Variants in DSCAML1 observed in about 807,000 individuals in gnomAD.
The protein encoded by DSCAML1 is cell adhesion molecule DSCAML1.
DSCAML1 carries 38 observed loss-of-function variants against 200.5 expected under a neutral mutation model. That is an observed-to-expected ratio of 0.19 (90% CI 0.15 to 0.25). The LOEUF (loss-of-function observed/expected upper bound fraction) is 0.25, where lower values mean the gene tolerates loss of function less well. Among genes scored for constraint, DSCAML1 ranks in the 10% least tolerant of loss-of-function variants. The probability of loss-of-function intolerance (pLI) is 1.00; values close to 1 mark genes in which losing one functional copy is unlikely to be tolerated. For synonymous variants in DSCAML1, 1,215 were observed against 1,165.0 expected (o/e 1.04, Z -0.87); for missense variants, 2,223 against 2,858.8 (o/e 0.78, Z 5.07).
At chr11:117,797,360 A>C, upstream of DSCAML1, 18 of 1,070,408 alleles carry the variant, frequency 1.7e-5, no homozygotes, top group Non-Finnish European at 2.1e-5. Flanking sequence ...CCAGCCCCAC[A>C]AGCCCAGGAA....
At chr11:117,655,571 C>A (rs1162762660) in intron 3 of DSCAML1, among the ~76,000 whole-genome samples, 1 of 152,132 alleles carries the variant, frequency 6.6e-6, no homozygotes, top group East Asian at 1.9e-4. Flanking sequence ...TATTTCAGCC[C>A]CTTCAGGCCT....
At chr11:117,454,909 G>A (rs781467238) in intron 19 of DSCAML1, among the ~76,000 whole-genome samples, 1 of 152,152 alleles carries the variant, frequency 6.6e-6, no homozygotes, top group Non-Finnish European at 1.5e-5. Flanking sequence ...AAGTGAGGGG[G>A]ATTCACCAGA....
chr11:117,492,444 C>T (rs904212632), intron 11 of DSCAML1, among the ~76,000 whole-genome samples: 1 of 152,178 alleles, frequency 6.6e-6, no homozygotes, highest in South Asian at 2.1e-4. Context: ...ACAGCAGGTA[C>T]CCTGAAGCCT....
chr11:117,430,061 A>C (rs759833335), intron 32 of DSCAML1, among the ~76,000 whole-genome samples: 2 of 152,152 alleles, frequency 1.3e-5, no homozygotes, highest in Non-Finnish European at 2.9e-5. Context: ...ACCAGACTGC[A>C]TTGTTTGATA....
At chr11:117,633,620 A>G (rs781273184) in intron 3 of DSCAML1, among the ~76,000 whole-genome samples, 4 of 152,210 alleles carry the variant, frequency 2.6e-5, no homozygotes, top group Non-Finnish European at 4.4e-5. Flanking sequence ...CAGACCCTCA[A>G]TCCTTCAGCA....
chr11:117,519,759 G>T (rs952713885), intron 6 of DSCAML1, among the ~76,000 whole-genome samples: 2 of 152,186 alleles, frequency 1.3e-5, no homozygotes, highest in Admixed American at 6.5e-5. Context: ...GTTTGAGGCC[G>T]CAGTGAGCTA....
chr11:117,649,538 G>T (rs2052586561), intron 3 of DSCAML1, among the ~76,000 whole-genome samples: 1 of 152,068 alleles, frequency 6.6e-6, no homozygotes, highest in Non-Finnish European at 1.5e-5. Context: ...GCTTCCCGTG[G>T]TCACCAGGGC....
intron 3 of DSCAML1, among the ~76,000 whole-genome samples, chr11:117,533,892 G>A (rs116843752): frequency 1.1e-4 from 16 of 152,308 alleles, no homozygotes; most frequent in Non-Finnish European, 1.8e-4. Context: ...GGAGAACACT[G>A]GGGTCCTCTG....
At chr11:117,687,424 C>CTTTTTTTTTTTTTT (rs1440234665) in intron 3 of DSCAML1, among the ~76,000 whole-genome samples, 1 of 51,816 alleles carries the variant, frequency 1.9e-5, no homozygotes, top group East Asian at 4.8e-4. Flanking sequence ...CCATGCCTGG[C>CTTTTTTTTTTTTTT]TATTTTTTTT....
intron 3 of DSCAML1, among the ~76,000 whole-genome samples, chr11:117,706,898 C>G (rs768030399): frequency 3.0e-4 from 46 of 152,334 alleles, no homozygotes; most frequent in East Asian, 1.9e-4. Flanking sequence ...CCTTTGTCTA[C>G]TCCTCCGCAA....
At chr11:117,471,373 A>T (rs1485004086) in intron 15 of DSCAML1, among the ~76,000 whole-genome samples, 2 of 152,052 alleles carry the variant, frequency 1.3e-5, no homozygotes, top group Non-Finnish European at 2.9e-5. Flanking sequence ...GGTTTCACCA[A>T]GTTGGCCAGG....
intron 3 of DSCAML1, among the ~76,000 whole-genome samples, chr11:117,589,134 C>T (rs2051208069): frequency 6.6e-6 from 1 of 152,158 alleles, no homozygotes; most frequent in Non-Finnish European, 1.5e-5. Context: ...CCTCTTCCTC[C>T]ACCATGGTCA....
chr11:117,616,000 T>C (rs1001371388), intron 3 of DSCAML1, among the ~76,000 whole-genome samples: 3 of 152,144 alleles, frequency 2.0e-5, no homozygotes, highest in Non-Finnish European at 4.4e-5. Context: ...TTTTCTAATG[T>C]AGGCAGCCCT....
intron 3 of DSCAML1, among the ~76,000 whole-genome samples, chr11:117,704,624 T>C (rs2053726529): frequency 6.6e-6 from 1 of 152,080 alleles, no homozygotes. Context: ...TTAGCATTCC[T>C]CCCAGTGACT....
chr11:117,543,562 G>A (rs1213946392), intron 3 of DSCAML1, among the ~76,000 whole-genome samples: 3 of 152,120 alleles, frequency 2.0e-5, no homozygotes, highest in Admixed American at 2.0e-4. Flanking sequence ...TGGCAGCTTA[G>A]GGAGGCATAG....
intron 1 of DSCAML1, among the ~76,000 whole-genome samples, chr11:117,817,003 C>T (rs1839564999): frequency 6.6e-6 from 1 of 152,238 alleles, no homozygotes; most frequent in Non-Finnish European, 1.5e-5. Context: ...AGCCCTCCTG[C>T]CCCCATGCCC....
intron 3 of DSCAML1, among the ~76,000 whole-genome samples, chr11:117,684,485 G>A (rs931761981): frequency 1.3e-5 from 2 of 151,142 alleles, no homozygotes; most frequent in African/African-American, 4.9e-5. Flanking sequence ...GAGGGTGTGT[G>A]GGGTGAAGAC....
At chr11:117,587,417 G>C (rs1335761257) in intron 3 of DSCAML1, among the ~76,000 whole-genome samples, 1 of 152,052 alleles carries the variant, frequency 6.6e-6, no homozygotes, top group Non-Finnish European at 1.5e-5. Flanking sequence ...CCATCACGCT[G>C]TCCCTGGCCC....
At chr11:117,732,556 G>T (rs549022266) in intron 3 of DSCAML1, among the ~76,000 whole-genome samples, 1 of 152,306 alleles carries the variant, frequency 6.6e-6, no homozygotes, top group East Asian at 1.9e-4. Context: ...TGTAGACATG[G>T]TGAGAGGTCC....
Sources: gnomAD v4.1 joint callset for allele counts (sites outside exome capture counted in the v4.1 genomes callset) on GRCh38, gnomAD v4.1.1 for gene constraint, MANE v1.5 for transcripts, NCBI Gene and HGNC (gene_info 2026-07-23, HGNC 2026-07-21) for gene names.